The following SPSB1 variants were observed in gnomAD, a reference collection of about 807,000 sequenced individuals.
SPSB1 encodes SPRY domain-containing SOCS box protein 1.
A neutral mutation model predicts 21.2 loss-of-function variants in SPSB1; 8 were observed. That is an observed-to-expected ratio of 0.38 (90% CI 0.22 to 0.68). SPSB1 has a LOEUF of 0.68. SPSB1 is among the 30% of genes least tolerant of loss of function. SPSB1 has a pLI of 0.53. For missense variants in SPSB1, 242 were observed against 377.8 expected, an observed-to-expected ratio of 0.64 and a Z score of 2.98; for synonymous variants, 169 against 161.7, an observed-to-expected ratio of 1.05 and a Z score of -0.34.
intron 1 of SPSB1, among the ~76,000 whole-genome samples, chr1:9,314,881 C>T (rs915028392): frequency 6.6e-6 from 1 of 152,160 alleles, no homozygotes; most frequent in Non-Finnish European, 1.5e-5. Flanking sequence ...GGCTCCAGGG[C>T]AGGGAGAGGA....
At chr1:9,312,749 AT>A (rs1280263465) in intron 1 of SPSB1, among the ~76,000 whole-genome samples, 1 of 151,962 alleles carries the variant, frequency 6.6e-6, no homozygotes, top group East Asian at 1.9e-4. Context: ...TTTTATTATT[AT>A]TATTATTTGA....
intron 2 of SPSB1, among the ~76,000 whole-genome samples, chr1:9,359,697 G>A (rs560034444): frequency 5.7e-4 from 72 of 126,130 alleles, no homozygotes; most frequent in Non-Finnish European, 1.0e-3. Context: ...GCAAGACTCC[G>A]TCTCTGGGAA....
chr1:9,359,439 C>G (rs1030275683), intron 2 of SPSB1, among the ~76,000 whole-genome samples: 1 of 152,134 alleles, frequency 6.6e-6, no homozygotes, highest in Non-Finnish European at 1.5e-5. Flanking sequence ...CGCGGTGGCT[C>G]ATGCCTGTAA....
chr1:9,308,619 T>C (rs1295799529), intron 1 of SPSB1, among the ~76,000 whole-genome samples: 2 of 152,152 alleles, frequency 1.3e-5, no homozygotes, highest in East Asian at 3.8e-4. Flanking sequence ...ATGTATTGAT[T>C]GAATGTGTGC....
chr1:9,352,031 A>G (rs1172232521), intron 1 of SPSB1, among the ~76,000 whole-genome samples: 1 of 151,998 alleles, frequency 6.6e-6, no homozygotes, highest in Non-Finnish European at 1.5e-5. Flanking sequence ...TCCCTCCCAC[A>G]GACTCCCATC....
chr1:9,362,295 T>TG (rs1438941944), intron 2 of SPSB1, among the ~76,000 whole-genome samples: 1 of 152,114 alleles, frequency 6.6e-6, no homozygotes. Flanking sequence ...TCTCAGAGTT[T>TG]GGGGGGGATA....
intron 2 of SPSB1, among the ~76,000 whole-genome samples, chr1:9,361,156 CTTTTTTTTTT>C (rs57871457): frequency 9.7e-6 from 1 of 102,578 alleles, no homozygotes; most frequent in Non-Finnish European, 1.9e-5. Context: ...CTGTCATTTT[CTTTTTTTTTT>C]TTTTTTTTTT....
chr1:9,316,560 G>T (rs566471113), intron 1 of SPSB1, among the ~76,000 whole-genome samples: 1 of 152,196 alleles, frequency 6.6e-6, no homozygotes, highest in Non-Finnish European at 1.5e-5. Context: ...GCGAGGAGGG[G>T]GGGGCTGATC....
chr1:9,293,131 G>A lies in SPSB1; in HGVS notation c.-150+60G>A. On this transcript the variant is annotated intron_variant, in intron 1 of 2. Transcript: ENST00000328089. The surrounding 1 kb of genome is among the most constrained non-coding windows in gnomAD (Gnocchi z 5.1). ...TGGGCGACCGGCCCGGGAGGGGGAG[G>A]CGCGGGGGGCCGGGCGAGGGCGGAC... is the stretch of plus-strand genomic sequence containing the variant. 6.1e-6 allele frequency: 6 copies of A among 975,624 alleles called. No individual in the cohort carries two copies. The highest frequency in any genetic ancestry group is 7.3e-6 in the Non-Finnish European group (6 of 822,612). The allele number at this position is 975,624 out of a possible 1,614,324, so 60.4% of individuals were successfully genotyped here. A position where few individuals can be genotyped will look rare whatever the true frequency, so the allele number is the denominator to read the frequency against.
At position 9,353,031 on chromosome 1, in the gene SPSB1, G is replaced by A. The variant is rs577478025; in HGVS notation, c.-149-2712G>A. 9.2e-5 allele frequency among the ~76,000 whole-genome samples: 14 copies of A among 152,188 alleles called. No homozygotes were observed. The South Asian group carries it at 1.9e-3, about 20-fold the overall frequency. ...TCTCTTAGAAAGTAATTCCTGCCCC[G>A]TCCTCCCAGGGAGCTGACCTCTGTG... On this transcript the variant is annotated intron_variant, in intron 1 of 2. Transcript: ENST00000328089.
At chr1:9,309,450 G>A (rs371287376) in intron 1 of SPSB1, among the ~76,000 whole-genome samples, 2,064 of 151,998 alleles carry the variant, frequency 0.014, 44 homozygotes, top group African/African-American at 0.047. Flanking sequence ...CCTGAGTAGC[G>A]GGAATTATAG....
At chr1:9,336,490 T>C (rs1206548323) in intron 1 of SPSB1, among the ~76,000 whole-genome samples, 1 of 152,126 alleles carries the variant, frequency 6.6e-6, no homozygotes, top group African/African-American at 2.4e-5. Flanking sequence ...CCTCCCAAAG[T>C]GCTGGGATTA....
chr1:9,330,476 C>CAATAATAAT (rs56325526), intron 1 of SPSB1, among the ~76,000 whole-genome samples: 11 of 150,478 alleles, frequency 7.3e-5, no homozygotes, highest in African/African-American at 2.2e-4. Flanking sequence ...AAAATAATAA[C>CAATAATAAT]AATAATAATA....
intron 1 of SPSB1, among the ~76,000 whole-genome samples, chr1:9,339,929 G>A (rs1409490094): frequency 1.3e-5 from 2 of 152,162 alleles, no homozygotes; most frequent in Non-Finnish European, 2.9e-5. Context: ...AGGGATGGGA[G>A]CCCCTCCACC....
At chr1:9,311,222 G>A (rs1412188544) in intron 1 of SPSB1, among the ~76,000 whole-genome samples, 1 of 146,754 alleles carries the variant, frequency 6.8e-6, no homozygotes, top group African/African-American at 2.5e-5. Flanking sequence ...TGCCCGCTCT[G>A]TCCTGGCTGT....
chr1:9,329,642 G>A (rs1347318462), intron 1 of SPSB1, among the ~76,000 whole-genome samples: 5 of 147,122 alleles, frequency 3.4e-5, no homozygotes, highest in South Asian at 2.1e-4. Flanking sequence ...GCAGTGAGCC[G>A]AGATCACACC....
At chr1:9,332,170 G>A (rs1332995959) in intron 1 of SPSB1, among the ~76,000 whole-genome samples, 2 of 150,502 alleles carry the variant, frequency 1.3e-5, no homozygotes, top group East Asian at 3.9e-4. Context: ...GGGCAACATA[G>A]TGAGACCCCA....
chr1:9,345,065 C>T lies in SPSB1; in HGVS notation c.-149-10678C>T, dbSNP rs1392057879. Among the ~76,000 whole-genome samples the T allele has an allele frequency of 6.6e-6, 1 of 152,202 alleles. No homozygotes were observed. Among genetic ancestry groups the T allele is most frequent in the East Asian group, 1.9e-4 (1 of 5,194 alleles). The stretch of plus-strand genomic sequence containing the variant: ...GACTTTGGATGCACTCCAGCCTCTT[C>T]CTCTCAGGCCAGGCAGCCCTGAACT... On this transcript the variant is annotated intron_variant, in intron 1 of 2. Coordinates refer to ENST00000328089, the MANE Select transcript of SPSB1 (RefSeq NM_025106.4). The surrounding 1 kb of genome is among the most constrained non-coding windows in gnomAD (Gnocchi z 4.8).
intron 1 of SPSB1, among the ~76,000 whole-genome samples, chr1:9,336,911 C>T (rs756692396): frequency 2.2e-4 from 33 of 152,314 alleles, no homozygotes; most frequent in Middle Eastern, 3.4e-3. Context: ...AGCCTTCTAA[C>T]CTGGCACCTC....
Sources: allele counts gnomAD v4.1 joint callset (sites outside exome capture counted in the v4.1 genomes callset), GRCh38; gene constraint gnomAD v4.1.1; non-coding constraint Gnocchi (gnomAD v3.1); transcripts MANE v1.5; gene names NCBI Gene and HGNC (gene_info 2026-07-23, HGNC 2026-07-21).